HELZ: variants seen among roughly 807,000 people sequenced by gnomAD.
The protein encoded by HELZ is helicase with zinc finger.
HELZ carries 23 observed loss-of-function variants against 218.2 expected under a neutral mutation model. The observed-to-expected ratio is 0.11, with a 90% CI of 0.08 to 0.15. The LOEUF is 0.15. Ranked by LOEUF, HELZ falls within the 10% of genes least tolerant of loss-of-function variation. The pLI is 1.00. For synonymous variants in HELZ, 814 were observed against 829.4 expected (o/e 0.98, Z 0.32); for missense variants, 1,813 against 2,353.7 (o/e 0.77, Z 4.75).
intron 3 of HELZ, among the ~76,000 whole-genome samples, chr17:67,223,421 C>A (rs2040804238): frequency 6.6e-6 from 1 of 152,002 alleles, no homozygotes; most frequent in South Asian, 2.1e-4. Flanking sequence ...TGAGGTCCGC[C>A]CCATCTGTCT....
intron 3 of HELZ, among the ~76,000 whole-genome samples, chr17:67,220,386 G>T: frequency 6.6e-6 from 1 of 152,164 alleles, no homozygotes; most frequent in East Asian, 1.9e-4. Flanking sequence ...AGTTCAAAAA[G>T]GACTTCAACA....
intron 27 of HELZ, among the ~76,000 whole-genome samples, chr17:67,117,713 A>G (rs2037471369): frequency 6.6e-6 from 1 of 151,912 alleles, no homozygotes; most frequent in South Asian, 2.1e-4. Flanking sequence ...CCATGCCCGG[A>G]TCATTTTTAT....
At chr17:67,231,454 G>A (rs886422689) in intron 3 of HELZ, among the ~76,000 whole-genome samples, 2 of 151,980 alleles carry the variant, frequency 1.3e-5, no homozygotes, top group Non-Finnish European at 2.9e-5. Flanking sequence ...TTAGCCAGGC[G>A]TGGTGGCAGG....
chr17:67,182,749 C>CT (rs1466442840), intron 12 of HELZ, among the ~76,000 whole-genome samples: 2 of 152,298 alleles, frequency 1.3e-5, no homozygotes, highest in Non-Finnish European at 2.9e-5. Flanking sequence ...AATAACTACT[C>CT]TAACACAAGA....
intron 13 of HELZ, among the ~76,000 whole-genome samples, chr17:67,169,704 A>C (rs1281725764): frequency 6.6e-6 from 1 of 152,190 alleles, no homozygotes; most frequent in African/African-American, 2.4e-5. Flanking sequence ...ATAGCCCCTA[A>C]AAGTTTTAAC....
chr17:67,071,473 T>C lies in HELZ; in HGVS notation c.*6779A>G, dbSNP rs1327957118. ...TCCAAAGGTGAGCAAGCCTTTTCAG[T>C]AGGAAGGACTGTGTCTTAAGAAAAC... On this transcript the variant is annotated 3_prime_UTR_variant, in exon 33 of 33. Coordinates refer to ENST00000358691, the MANE Select transcript of HELZ (RefSeq NM_014877.4). 1 of 152,214 alleles carries C rather than the reference T, an allele frequency of 6.6e-6. No individual in the cohort carries two copies. Among genetic ancestry groups the C allele is most frequent in the African/African-American group, 2.4e-5 (1 of 41,460 alleles). The allele number at this position is 152,214 out of a possible 1,614,324, so 9.4% of individuals were successfully genotyped here.
At chr17:67,196,448 C>T (rs1211910878) in intron 7 of HELZ, among the ~76,000 whole-genome samples, 2 of 152,226 alleles carry the variant, frequency 1.3e-5, no homozygotes, top group African/African-American at 2.4e-5. Context: ...CATCTGCTGT[C>T]AGCAGTCTGT....
intron 27 of HELZ, among the ~76,000 whole-genome samples, chr17:67,118,873 C>A (rs555897437): frequency 1.8e-3 from 274 of 152,144 alleles, no homozygotes; most frequent in Middle Eastern, 3.4e-3. Flanking sequence ...AAGATACACA[C>A]ATGGCAAATA....
chr17:67,216,288 C>G (rs763794705), intron 4 of HELZ, among the ~76,000 whole-genome samples: 8 of 152,198 alleles, frequency 5.3e-5, no homozygotes, highest in Non-Finnish European at 1.0e-4. Flanking sequence ...CCAGCATACA[C>G]TCTGTCTTCC....
chr17:67,245,148 C>T lies in HELZ; in HGVS notation c.-132G>A. 1.0e-6 allele frequency: 1 copy of T among 985,206 alleles called. No individual in the cohort carries two copies. The highest frequency in any genetic ancestry group is 1.2e-6 in the Non-Finnish European group (1 of 829,892). The allele number at this position is 985,206 out of a possible 1,614,324, so 61.0% of individuals were successfully genotyped here. On this transcript the variant is annotated splice_region_variant and 5_prime_UTR_variant, in exon 1 of 33. Transcript: ENST00000358691. ...AGAGAAGGGGGAAGTCAGGACTTAC[C>T]TGTCATTACTTTCTACGCCATCTTG...
At chr17:67,157,032 G>A (rs1411276094) in intron 17 of HELZ, among the ~76,000 whole-genome samples, 2 of 151,994 alleles carry the variant, frequency 1.3e-5, no homozygotes, top group African/African-American at 4.8e-5. Flanking sequence ...CCTCCCACAC[G>A]TACACTCACT....
Position 67,190,317 on chromosome 17 carries a change from C to T in HELZ, c.596G>A (p.Cys199Tyr). The change falls in exon 10 of 33, where the codon TGT becomes TAT. Residue 199 changes from cysteine to tyrosine, a missense_variant. By Grantham distance (194) the Cys-to-Tyr change is radical. This residue lies in a region of HELZ where 714 missense variants were observed against 1,029.2 expected (regional missense o/e 0.69). Transcript: ENST00000358691. The stretch of plus-strand genomic sequence containing the variant: ...TTCTTCCTGGGAATGTGCTGAAGTA[C>T]ACTGGGCACCATACCTACAGATTCC... ...EQGICRYGAQ[C>Y]TSAHSQEELA... is the part of the protein sequence containing the mutation. 6.2e-7 allele frequency: 1 copy of T among 1,613,850 alleles called. No individual in the cohort carries two copies. The highest frequency in any genetic ancestry group is 1.1e-5 in the South Asian group (1 of 91,080).
intron 15 of HELZ, among the ~76,000 whole-genome samples, chr17:67,164,093 TA>T (rs2039068567): frequency 6.6e-6 from 1 of 152,180 alleles, no homozygotes; most frequent in African/African-American, 2.4e-5. Flanking sequence ...CTTATGAACT[TA>T]AATGTGCCGA....
At chr17:67,119,479 T>C (rs2037530981) in intron 27 of HELZ, among the ~76,000 whole-genome samples, 1 of 152,004 alleles carries the variant, frequency 6.6e-6, no homozygotes, top group Non-Finnish European at 1.5e-5. Flanking sequence ...AGCTGGAGGA[T>C]GGGATTGCAA....
In HELZ at chr17:67,108,717, T is replaced by C. The variant is rs1218870334; in HGVS notation, c.4499A>G (p.His1500Arg). The C allele has an allele frequency of 6.3e-7, 1 of 1,584,148 alleles. No homozygotes were observed. The highest frequency in any genetic ancestry group is 1.4e-5 in the African/African-American group (1 of 73,960). The change falls in exon 30 of 33, where the codon CAT (histidine) becomes CGT (arginine). Residue 1500 changes from histidine (H) to arginine (R), a missense_variant. By Grantham distance (29) the His-to-Arg change is conservative. Transcript: ENST00000358691. The surrounding 1 kb of genome is among the most constrained non-coding windows in gnomAD (Gnocchi z 4.1). ...LPIGEALDRI[H>R]GSVALETLRQ... The stretch of plus-strand genomic sequence containing the variant: ...TAATGTTTCCAGAGCGACACTCCCA[T>C]GTATACGATCTGCAAAAATATTTGT...
upstream of HELZ, chr17:67,245,597 C>G: frequency 1.1e-6 from 1 of 889,750 alleles, no homozygotes; most frequent in South Asian, 5.1e-5. Flanking sequence ...CGTTTCTGCT[C>G]CTGCGGCCGC....
At position 67,101,425 on chromosome 17, in the gene HELZ, G is replaced by C. The variant is rs1165374447; in HGVS notation, c.5241+5744C>G. Among the ~76,000 whole-genome samples, 2 of 152,112 alleles carry C rather than the reference G, an allele frequency of 1.3e-5. 1 individual carries two copies. Among genetic ancestry groups the C allele is most frequent in the East Asian group, 3.9e-4 (2 of 5,190 alleles). On this transcript the variant is annotated intron_variant, in intron 31 of 32. Coordinates refer to ENST00000358691, the MANE Select transcript of HELZ (RefSeq NM_014877.4). ...AATAAGGGAGACTTTAAACTACTGG[G>C]TTAGAATGCCACAAAATCTCAAAAC...
chr17:67,182,444 CAAAA>C (rs373672197), intron 12 of HELZ, among the ~76,000 whole-genome samples: 4 of 151,196 alleles, frequency 2.6e-5, no homozygotes, highest in African/African-American at 9.7e-5. Context: ...GACTCAGTAT[CAAAA>C]AAAACAGAAA....
chr17:67,245,119 G>A (rs970301602), intron 1 of HELZ, 29 bp downstream of exon 1: 1 of 985,012 alleles, frequency 1.0e-6, no homozygotes, highest in Non-Finnish European at 1.2e-6. Flanking sequence ...GCGGCCCCAG[G>A]AGCAGAGAAG....
Sources: gnomAD v4.1 joint callset for allele counts (sites outside exome capture counted in the v4.1 genomes callset) on GRCh38, gnomAD v4.1.1 for gene constraint, gnomAD v4.1.1 regional missense constraint, Gnocchi (gnomAD v3.1) non-coding constraint, MANE v1.5 for transcripts, NCBI Gene and HGNC (gene_info 2026-07-23, HGNC 2026-07-21) for gene names.